RIMS1: variants seen among roughly 807,000 people sequenced by gnomAD.
The protein encoded by RIMS1 is regulating synaptic membrane exocytosis protein 1.
RIMS1 carries 83 observed loss-of-function variants against 214.1 expected under a neutral mutation model. That is an observed-to-expected ratio of 0.39 (90% CI 0.32 to 0.47). The LOEUF (loss-of-function observed/expected upper bound fraction) is 0.47, where lower values mean the gene tolerates loss of function less well. RIMS1 is among the 20% of genes least tolerant of loss of function. RIMS1 has a pLI of 0.99. For missense variants in RIMS1, 2,050 were observed against 2,161.8 expected, an observed-to-expected ratio of 0.95 and a Z score of 1.03; for synonymous variants, 793 against 786.8, an observed-to-expected ratio of 1.01 and a Z score of -0.13.
intron 1 of RIMS1, among the ~76,000 whole-genome samples, chr6:71,936,161 A>T (rs1186591618): frequency 6.6e-6 from 1 of 151,558 alleles, no homozygotes; most frequent in African/African-American, 2.4e-5. Context: ...CCCCGTCTCT[A>T]CTAAAAATAC....
chr6:72,398,448 A>G, intron 32 of RIMS1, 98 bp downstream of exon 32: 1 of 685,528 alleles, frequency 1.5e-6, no homozygotes, highest in Non-Finnish European at 2.4e-6. Flanking sequence ...TCTGTTTTGC[A>G]TCATCTGATT....
At chr6:71,929,088 C>A (rs779420991) in intron 1 of RIMS1, among the ~76,000 whole-genome samples, 2 of 152,054 alleles carry the variant, frequency 1.3e-5, no homozygotes, top group Non-Finnish European at 2.9e-5. Flanking sequence ...CATCTTGCAC[C>A]TCTCCTTAGC....
chr6:72,171,255 T>G lies in RIMS1; in HGVS notation c.472-8320T>G, dbSNP rs531256364. Among the ~76,000 whole-genome samples the G allele has an allele frequency of 2.0e-5, 3 of 151,320 alleles. No homozygotes were observed. The East Asian group carries it at 5.8e-4, about 29-fold the overall frequency. On this transcript the variant is annotated intron_variant, in intron 4 of 33. Coordinates refer to ENST00000521978, the MANE Select transcript of RIMS1 (RefSeq NM_014989.7). ...AACTTTAAAATGTAGAAACTTTAAA[T>G]AATGTAATATAATTCATATTGAATT... is the stretch of plus-strand genomic sequence containing the variant.
chr6:71,999,256 T>TA (rs1167545093), intron 2 of RIMS1, among the ~76,000 whole-genome samples: 4 of 152,102 alleles, frequency 2.6e-5, no homozygotes, highest in Admixed American at 1.3e-4. Flanking sequence ...TTTTTAATTT[T>TA]ATGTCCATAT....
rs149080855 is a variant in RIMS1 at position 72,242,018 on chromosome 6, A to C, written c.1958-296A>C. The stretch of plus-strand genomic sequence containing the variant: ...TGTGCTAATTCCATCCCATAGCATG[A>C]GATTATTTTTATATGATTTCTGGTA... On this transcript the variant is annotated intron_variant, in intron 9 of 33. Coordinates refer to ENST00000521978, the MANE Select transcript of RIMS1 (RefSeq NM_014989.7). Among the ~76,000 whole-genome samples, 89 of 152,244 alleles carry C rather than the reference A, an allele frequency of 5.8e-4. 2 individuals carry two copies. The East Asian group carries it at 0.01, about 18-fold the overall frequency.
chr6:72,168,255 A>G (rs1203445548), intron 4 of RIMS1, among the ~76,000 whole-genome samples: 1 of 152,218 alleles, frequency 6.6e-6, no homozygotes, highest in Non-Finnish European at 1.5e-5. Context: ...AAAGAATTTG[A>G]CTGAGGGGTT....
chr6:71,962,506 A>T (rs1423064142), intron 1 of RIMS1, among the ~76,000 whole-genome samples: 1 of 152,188 alleles, frequency 6.6e-6, no homozygotes, highest in Non-Finnish European at 1.5e-5. Context: ...TGGTGGTGTA[A>T]CAGGACCTGA....
chr6:71,970,205 T>G (rs1795511444), intron 2 of RIMS1, among the ~76,000 whole-genome samples: 1 of 152,192 alleles, frequency 6.6e-6, no homozygotes, highest in Non-Finnish European at 1.5e-5. Context: ...TAAAAATGAT[T>G]GATAATTACA....
chr6:72,198,975 A>G (rs1412093472), intron 6 of RIMS1, among the ~76,000 whole-genome samples: 2 of 152,024 alleles, frequency 1.3e-5, no homozygotes, highest in African/African-American at 4.8e-5. Context: ...GTCAAGACAA[A>G]TAATAAACAA....
At chr6:72,055,918 G>T (rs116266603) in intron 2 of RIMS1, among the ~76,000 whole-genome samples, 1 of 152,136 alleles carries the variant, frequency 6.6e-6, no homozygotes, top group East Asian at 1.9e-4. Context: ...TTGAGTATAC[G>T]CCCAAAGGAA....
chr6:72,303,037 T>A (rs1450409358), intron 26 of RIMS1, among the ~76,000 whole-genome samples: 1 of 150,902 alleles, frequency 6.6e-6, no homozygotes, highest in East Asian at 1.9e-4. Flanking sequence ...CAAACAAATT[T>A]ATTTTTATAT....
chr6:72,242,373 TACA>T lies in RIMS1; in HGVS notation c.2021_2023del (p.Asn674del). 6.4e-7 allele frequency: 1 copy of T among 1,562,480 alleles called. No individual in the cohort carries two copies. The highest frequency in any genetic ancestry group is 8.7e-7 in the Non-Finnish European group (1 of 1,150,498). On this transcript the variant is annotated inframe_deletion, in exon 10 of 34. Coordinates refer to ENST00000521978, the MANE Select transcript of RIMS1 (RefSeq NM_014989.7). Reference sequence around the variant, plus strand: ...GCCGGGAGCTACAAATGAAGAAGTTTACAACATTATTTTAGAATCAAAATCAGA... The same window carrying T: ...GCCGGGAGCTACAAATGAAGAAGTTTACATTATTTTAGAATCAAAATCAGA...
rs539496809 is a variant in RIMS1 at position 72,158,639 on chromosome 6, T to G, written c.472-20936T>G. Among the ~76,000 whole-genome samples, 44 of 129,886 alleles carry G rather than the reference T, an allele frequency of 3.4e-4. 2 individuals carry two copies. The highest frequency in any genetic ancestry group is 9.9e-4 in the African/African-American group (38 of 38,552). The allele number at this position is 129,886 out of a possible 152,430, so 85.2% of individuals were successfully genotyped here. ...GTGTTCTCATTGCTCAATTCCCACCTATGAGTGAGAACATGCGGTGTTTGG... is the reference window on the plus strand; with the variant it reads ...GTGTTCTCATTGCTCAATTCCCACCGATGAGTGAGAACATGCGGTGTTTGG... On this transcript the variant is annotated intron_variant, in intron 4 of 33. Coordinates refer to ENST00000521978, the MANE Select transcript of RIMS1 (RefSeq NM_014989.7).
chr6:72,276,716 A>G (rs1235987367), intron 23 of RIMS1, among the ~76,000 whole-genome samples: 1 of 152,186 alleles, frequency 6.6e-6, no homozygotes, highest in Non-Finnish European at 1.5e-5. Context: ...ATACAATTTT[A>G]TTAAAATATA....
chr6:71,965,164 T>A (rs1343826368), intron 1 of RIMS1, among the ~76,000 whole-genome samples: 1 of 152,134 alleles, frequency 6.6e-6, no homozygotes, highest in Non-Finnish European at 1.5e-5. Context: ...ACCGTAACAT[T>A]AAGAACAGAA....
At chr6:72,306,418 TG>T (rs972009042) in intron 26 of RIMS1, among the ~76,000 whole-genome samples, 63 of 152,298 alleles carry the variant, frequency 4.1e-4, no homozygotes, top group African/African-American at 1.4e-3. Context: ...GTACCTTAGC[TG>T]TTTCTTTCTC....
chr6:72,159,161 T>C lies in RIMS1; in HGVS notation c.472-20414T>C, dbSNP rs569686143. ...CTCTGATGGCCAGTGATGTTGAGCA[T>C]TTTTTCATGTGTCTTTTGGCTGCAT... On this transcript the variant is annotated intron_variant, in intron 4 of 33. Transcript: ENST00000521978. 1.6e-3 allele frequency among the ~76,000 whole-genome samples: 222 copies of C among 141,654 alleles called. 50 individuals are homozygous for C. Among genetic ancestry groups the C allele is most frequent in the Admixed American group, 3.7e-3 (52 of 13,914 alleles). The allele number at this position is 141,654 out of a possible 152,430, so 92.9% of individuals were successfully genotyped here. A position where few individuals can be genotyped will look rare whatever the true frequency, so the allele number is the denominator to read the frequency against.
rs549414776 is a variant in RIMS1 at position 71,944,828 on chromosome 6, C to G, written c.165-24155C>G. Among the ~76,000 whole-genome samples the G allele has an allele frequency of 2.3e-3, 353 of 152,102 alleles. 2 individuals are homozygous for G. The highest frequency in any genetic ancestry group is 1.8e-3 in the Non-Finnish European group (119 of 68,000). On this transcript the variant is annotated intron_variant, in intron 1 of 33. Coordinates refer to ENST00000521978, the MANE Select transcript of RIMS1 (RefSeq NM_014989.7). Reference sequence around the variant, plus strand: ...ATTCAGATCATACATTGATATTTATCTAGATTATAGAAAAAGCTCTTTTTT... The same window carrying G: ...ATTCAGATCATACATTGATATTTATGTAGATTATAGAAAAAGCTCTTTTTT...
intron 1 of RIMS1, among the ~76,000 whole-genome samples, chr6:71,912,568 A>G (rs10484972): frequency 0.1 from 15,608 of 152,136 alleles, 1,026 homozygotes; most frequent in Non-Finnish European, 0.14. Context: ...CGTTATTCTT[A>G]AGGATAGTTC....
Sources: gnomAD v4.1 joint callset for allele counts (sites outside exome capture counted in the v4.1 genomes callset) on GRCh38, gnomAD v4.1.1 for gene constraint, MANE v1.5 for transcripts, NCBI Gene and HGNC (gene_info 2026-07-23, HGNC 2026-07-21) for gene names.